Variants in DACH2 observed in about 807,000 individuals in gnomAD.
DACH2 encodes dachshund homolog 2.
A neutral mutation model predicts 35.8 loss-of-function variants in DACH2; 17 were observed. That is an observed-to-expected ratio of 0.48 (90% CI 0.33 to 0.71). DACH2 has a LOEUF of 0.71. Among genes scored for constraint, DACH2 ranks in the 30% least tolerant of loss-of-function variants. The pLI, the probability that DACH2 is intolerant of heterozygous loss-of-function variation, is 0.02. For synonymous variants in DACH2, 195 were observed against 177.3 expected (o/e 1.10, Z -0.79); for missense variants, 469 against 472.7 (o/e 0.99, Z 0.07).
At chrX:86,149,392 C>A (rs189379783) in intron 1 of DACH2, among the ~76,000 whole-genome samples, 2 of 112,260 alleles carry the variant, frequency 1.8e-5, no homozygotes, top group African/African-American at 3.2e-5. Context: ...TCTTGCATGG[C>A]TTTTGGCTGT....
At chrX:86,524,520 A>G (rs914478425) in intron 3 of DACH2, among the ~76,000 whole-genome samples, 9 of 112,098 alleles carry the variant, frequency 8.0e-5, no homozygotes, top group Non-Finnish European at 1.5e-4. Context: ...AATATTTCTA[A>G]CGTAGAGTTT....
intron 4 of DACH2, among the ~76,000 whole-genome samples, chrX:86,656,857 G>GTGTATATATATATA (rs1333268452): frequency 2.1e-4 from 14 of 66,743 alleles, no homozygotes; most frequent in African/African-American, 1.0e-3. Context: ...GTGTGTGTGT[G>GTGTATATATATATA]TATATATATA....
chrX:86,719,069 T>A (rs1265129697), intron 6 of DACH2, among the ~76,000 whole-genome samples: 1 of 112,353 alleles, frequency 8.9e-6, no homozygotes, highest in African/African-American at 3.2e-5. Flanking sequence ...CACAGTATGG[T>A]CATTTTAATA....
chrX:86,150,890 C>T (rs1297524990), intron 1 of DACH2, among the ~76,000 whole-genome samples: 1 of 111,215 alleles, frequency 9.0e-6, no homozygotes, highest in Non-Finnish European at 1.9e-5. Context: ...AACTCTCTCT[C>T]TTTATCAGTC....
intron 1 of DACH2, among the ~76,000 whole-genome samples, chrX:86,164,301 A>T (rs1238997506): frequency 7.2e-5 from 8 of 110,806 alleles, no homozygotes; most frequent in African/African-American, 1.6e-4. Flanking sequence ...TTTCTTGTAA[A>T]TTTGCTTAAG....
chrX:86,399,372 C>T (rs950341391), intron 2 of DACH2, among the ~76,000 whole-genome samples: 1 of 111,517 alleles, frequency 9.0e-6, no homozygotes, highest in Non-Finnish European at 1.9e-5. Context: ...GAGCATTTAG[C>T]CCATTTACAT....
At chrX:86,449,767 G>T (rs964030357) in intron 2 of DACH2, among the ~76,000 whole-genome samples, 1 of 111,301 alleles carries the variant, frequency 9.0e-6, no homozygotes, top group Non-Finnish European at 1.9e-5. Context: ...TTAATAAAAA[G>T]TTTCTATATT....
intron 11 of DACH2, among the ~76,000 whole-genome samples, chrX:86,822,772 A>T (rs1419034): frequency 9.1e-6 from 1 of 109,923 alleles, no homozygotes; most frequent in African/African-American, 3.3e-5. Flanking sequence ...TTAAAAGTTT[A>T]TAAAGATTGG....
intron 1 of DACH2, among the ~76,000 whole-genome samples, chrX:86,254,805 T>TAGAGAGAG (rs1265976523): frequency 1.0e-3 from 61 of 60,750 alleles, no homozygotes; most frequent in Non-Finnish European, 1.4e-3. Context: ...TATATATATA[T>TAGAGAGAG]ATAGAGAGAG....
rs536100750 is a variant in DACH2 at position 86,810,316 on chromosome X, G to T, written c.1241-2540G>T. 2.7e-5 allele frequency among the ~76,000 whole-genome samples: 3 copies of T among 111,606 alleles called. No homozygotes were observed. In the South Asian group the frequency reaches 1.1e-3, roughly 42 times the overall value. On this transcript the variant is annotated intron_variant, in intron 7 of 11. Transcript: ENST00000373125. ...CAATCCTCAGAGTCTCACCACTGAGGTTATACATATGTGTAGGTGATATGT... is the reference window on the plus strand; with the variant it reads ...CAATCCTCAGAGTCTCACCACTGAGTTTATACATATGTGTAGGTGATATGT...
intron 2 of DACH2, among the ~76,000 whole-genome samples, chrX:86,445,439 C>A (rs1228465647): frequency 1.1e-5 from 1 of 90,947 alleles, no homozygotes; most frequent in East Asian, 3.7e-4. Flanking sequence ...AGCGCACCAG[C>A]ATGGCACATG....
chrX:86,783,445 C>T (rs777615177), intron 7 of DACH2, among the ~76,000 whole-genome samples: 1 of 111,843 alleles, frequency 8.9e-6, no homozygotes, highest in Admixed American at 9.5e-5. Flanking sequence ...TCCAGTAAAT[C>T]GAAGAGATAG....
intron 2 of DACH2, among the ~76,000 whole-genome samples, chrX:86,471,089 A>G (rs965570894): frequency 8.9e-6 from 1 of 111,843 alleles, no homozygotes; most frequent in African/African-American, 3.2e-5. Flanking sequence ...TTAAACTAGA[A>G]CAAAACCAGT....
At chrX:86,492,017 A>G (rs2038101040) in intron 2 of DACH2, among the ~76,000 whole-genome samples, 1 of 111,703 alleles carries the variant, frequency 9.0e-6, no homozygotes, top group African/African-American at 3.3e-5. Flanking sequence ...TTAATATGAG[A>G]CTTATCCTCT....
rs1221121686 is a variant in DACH2, at chrX:86,541,965, T to G, written c.640+27574T>G. On this transcript the variant is annotated intron_variant, in intron 3 of 11. Coordinates refer to ENST00000373125, the MANE Select transcript of DACH2 (RefSeq NM_053281.3). ...TGAGGATTACTAGACAATTGATATCTGAATAATTGTGAAGTATTACACTTA... is the reference window on the plus strand; with the variant it reads ...TGAGGATTACTAGACAATTGATATCGGAATAATTGTGAAGTATTACACTTA... 4.5e-5 allele frequency among the ~76,000 whole-genome samples: 5 copies of G among 112,020 alleles called. No homozygotes were observed. In the South Asian group the frequency reaches 1.8e-3, roughly 41 times the overall value.
chrX:86,691,983 A>G (rs1169714656), intron 4 of DACH2, among the ~76,000 whole-genome samples: 2 of 111,761 alleles, frequency 1.8e-5, no homozygotes, highest in Non-Finnish European at 3.8e-5. Context: ...AAATGCAAAT[A>G]TTGGGGCCGC....
At chrX:86,366,012 T>C (rs2035801528) in intron 1 of DACH2, among the ~76,000 whole-genome samples, 1 of 111,825 alleles carries the variant, frequency 8.9e-6, no homozygotes, top group Non-Finnish European at 1.9e-5. Flanking sequence ...AGTAACTTAT[T>C]CACAGCAGAG....
intron 2 of DACH2, among the ~76,000 whole-genome samples, chrX:86,477,948 A>C (rs144057150): frequency 0.075 from 8,285 of 110,744 alleles, 788 homozygotes; most frequent in African/African-American, 0.26. Flanking sequence ...ACAAAGAGAC[A>C]AAAAAAAGGA....
At chrX:86,180,798 G>A (rs1404978629) in intron 1 of DACH2, among the ~76,000 whole-genome samples, 5 of 111,346 alleles carry the variant, frequency 4.5e-5, no homozygotes, top group Non-Finnish European at 7.5e-5. Context: ...TTTGATAATC[G>A]AAGCCAATGA....
Sources: gnomAD v4.1 joint callset for allele counts (sites outside exome capture counted in the v4.1 genomes callset) on GRCh38, gnomAD v4.1.1 for gene constraint, MANE v1.5 for transcripts, NCBI Gene and HGNC (gene_info 2026-07-23, HGNC 2026-07-21) for gene names.